The following GLRA2 variants were observed in gnomAD, a reference collection of about 807,000 sequenced individuals.
GLRA2 encodes the protein glycine receptor subunit alpha-2.
In GLRA2, 11 loss-of-function variants were observed where a neutral mutation model predicts 31.6. That is an observed-to-expected ratio of 0.35 (90% CI 0.22 to 0.58). GLRA2 has a LOEUF of 0.58. Ranked by LOEUF, GLRA2 falls within the 20% of genes least tolerant of loss-of-function variation. The pLI is 0.84. For missense variants in GLRA2, 212 were observed against 351.8 expected (o/e 0.60, Z 3.18); for synonymous variants, 132 against 134.0 (o/e 0.99, Z 0.10).
chrX:14,661,347 A>T (rs1370728402), intron 7 of GLRA2, among the ~76,000 whole-genome samples: 1 of 111,982 alleles, frequency 8.9e-6, no homozygotes, highest in African/African-American at 3.2e-5. Flanking sequence ...AGGAAGAGAT[A>T]ATACATATAT....
At chrX:14,554,245 T>TCGGAA (rs1474669372) in intron 2 of GLRA2, among the ~76,000 whole-genome samples, 1 of 111,707 alleles carries the variant, frequency 9.0e-6, no homozygotes, top group Non-Finnish European at 1.9e-5. Context: ...GAGTACATTA[T>TCGGAA]CGGAAGCTCT....
chrX:14,590,213 A>G (rs975276676), intron 4 of GLRA2, among the ~76,000 whole-genome samples: 3 of 111,384 alleles, frequency 2.7e-5, no homozygotes, highest in Non-Finnish European at 5.7e-5. Flanking sequence ...TTGATAATTC[A>G]GTATTCTGCC....
chrX:14,458,380 T>C, the GLRA2 span, among the ~76,000 whole-genome samples: 1 of 112,023 alleles, frequency 8.9e-6, no homozygotes, highest in Non-Finnish European at 1.9e-5. Context: ...CCTTTGGGTA[T>C]ATACCCAGTA....
At chrX:14,502,883 C>CA in the GLRA2 span, among the ~76,000 whole-genome samples, 3,467 of 41,972 alleles carry the variant, frequency 0.083, 94 homozygotes, top group African/African-American at 0.13. Flanking sequence ...CACAAAAATG[C>CA]AAAAAAAAAA....
At chrX:14,477,450 A>T in the GLRA2 span, among the ~76,000 whole-genome samples, 34 of 111,785 alleles carry the variant, frequency 3.0e-4, 1 homozygote, top group East Asian at 6.8e-3. Flanking sequence ...GAGACAGTCT[A>T]GGTTATCCAC....
chrX:14,695,727 AT>A (rs2091435746), intron 8 of GLRA2, among the ~76,000 whole-genome samples: 1 of 112,063 alleles, frequency 8.9e-6, no homozygotes, highest in African/African-American at 3.2e-5. Context: ...TCCAATTATG[AT>A]AGGATGTAGG....
At chrX:14,702,782 G>A (rs1334108452) in intron 8 of GLRA2, among the ~76,000 whole-genome samples, 3 of 111,731 alleles carry the variant, frequency 2.7e-5, no homozygotes, top group African/African-American at 9.8e-5. Context: ...TGACCACGCA[G>A]GCAGTAATAC....
chrX:14,505,493 C>A, the GLRA2 span, among the ~76,000 whole-genome samples: 1 of 111,328 alleles, frequency 9.0e-6, no homozygotes, highest in African/African-American at 3.3e-5. Flanking sequence ...GAGGCCTATT[C>A]TAAGGAAGAC....
At chrX:14,501,073 A>T in the GLRA2 span, among the ~76,000 whole-genome samples, 2 of 59,321 alleles carry the variant, frequency 3.4e-5, no homozygotes, top group Non-Finnish European at 8.5e-5. Context: ...AAAAAGTAGT[A>T]AAAAAAAAAA....
the GLRA2 span, among the ~76,000 whole-genome samples, chrX:14,492,911 T>C: frequency 1.8e-5 from 2 of 111,484 alleles, no homozygotes. Context: ...TTGCAAAATG[T>C]GCCTTGTTGC....
Position 14,581,411 on chromosome X carries a change from G to T in GLRA2, c.494+5G>T, listed in dbSNP as rs775951787. 6 of 1,035,789 alleles carry T rather than the reference G, an allele frequency of 5.8e-6. No individual in the cohort carries two copies. Among genetic ancestry groups the T allele is most frequent in the Non-Finnish European group, 8.2e-6 (6 of 734,996 alleles). The allele number at this position is 1,035,789 out of a possible 1,213,427, so 85.4% of individuals were successfully genotyped here. A position where few individuals can be genotyped will look rare whatever the true frequency, so the allele number is the denominator to read the frequency against. On this transcript the variant is annotated splice_donor_5th_base_variant and intron_variant, in intron 4 of 8. Coordinates refer to ENST00000218075, the MANE Select transcript of GLRA2 (RefSeq NM_002063.4). ...CAAAGTGCTCTACAGTATCAGGTAA[G>T]CCTCCATTGGCTGCACATGTTCGCA... is the stretch of plus-strand genomic sequence containing the variant.
At chrX:14,493,967 T>C in the GLRA2 span, among the ~76,000 whole-genome samples, 2 of 110,191 alleles carry the variant, frequency 1.8e-5, no homozygotes, top group Non-Finnish European at 3.8e-5. Context: ...AAATAAAATA[T>C]AGTATTTTCA....
intron 7 of GLRA2, among the ~76,000 whole-genome samples, chrX:14,640,281 G>T (rs768214871): frequency 1.7e-4 from 19 of 110,807 alleles, no homozygotes; most frequent in African/African-American, 6.2e-4. Context: ...CTAACATTAC[G>T]TGGTAAACTC....
chrX:14,655,193 A>G (rs2090927787), intron 7 of GLRA2, among the ~76,000 whole-genome samples: 1 of 111,883 alleles, frequency 8.9e-6, no homozygotes, highest in Non-Finnish European at 1.9e-5. Context: ...GCACATGGGG[A>G]CTTCTCTAAA....
chrX:14,519,410 T>C, the GLRA2 span, among the ~76,000 whole-genome samples: 1 of 111,797 alleles, frequency 8.9e-6, no homozygotes, highest in Non-Finnish European at 1.9e-5. Flanking sequence ...TCAACTATAG[T>C]CAGATCCCAT....
intron 7 of GLRA2, among the ~76,000 whole-genome samples, chrX:14,688,620 C>A (rs1257754156): frequency 1.8e-5 from 2 of 111,830 alleles, no homozygotes; most frequent in East Asian, 2.8e-4. Context: ...ATATAATCTC[C>A]TGGTGTGCCG....
At chrX:14,650,186 G>A (rs1427524991) in intron 7 of GLRA2, among the ~76,000 whole-genome samples, 1 of 111,074 alleles carries the variant, frequency 9.0e-6, no homozygotes, top group Non-Finnish European at 1.9e-5. Context: ...TAACAATTTT[G>A]AAAGCTTTTT....
At chrX:14,530,674 G>T (rs1490805954) in intron 1 of GLRA2, among the ~76,000 whole-genome samples, 1 of 111,695 alleles carries the variant, frequency 9.0e-6, no homozygotes, top group Non-Finnish European at 1.9e-5. Context: ...GTTTGGAAAT[G>T]GATTGCCTAC....
intron 2 of GLRA2, among the ~76,000 whole-genome samples, chrX:14,556,724 A>C (rs1289669010): frequency 8.9e-6 from 1 of 112,250 alleles, no homozygotes; most frequent in African/African-American, 3.2e-5. Flanking sequence ...CACTTGTATT[A>C]GAAAAGGCTT....
Sources: gnomAD v4.1 joint callset for allele counts (sites outside exome capture counted in the v4.1 genomes callset) on GRCh38, gnomAD v4.1.1 for gene constraint, MANE v1.5 for transcripts, NCBI Gene and HGNC (gene_info 2026-07-23, HGNC 2026-07-21) for gene names.